The following NIBAN3 variants were observed in gnomAD, a reference collection of about 807,000 sequenced individuals.
NIBAN3 encodes the protein protein Niban 3.
NIBAN3 carries 66 observed loss-of-function variants against 76.4 expected under a neutral mutation model. The observed-to-expected ratio is 0.86, with a 90% CI of 0.71 to 1.06. NIBAN3 has a LOEUF of 1.06. Ranked by LOEUF, NIBAN3 falls within the 50% of genes least tolerant of loss-of-function variation. NIBAN3 has a pLI of 0.00. For missense variants in NIBAN3, 808 were observed against 810.7 expected (o/e 1.00, Z 0.04); for synonymous variants, 360 against 355.2 (o/e 1.01, Z -0.15).
In NIBAN3 at chr19:17,542,041, TTG is replaced by T; in HGVS notation, c.1171-91_1171-90del. On this transcript the variant is annotated intron_variant, in intron 9 of 14. Transcript: ENST00000599164. This position sits in a 1 kb window ranked among gnomAD's most constrained non-coding sequence, Gnocchi z 4.8. ...CAGCTGAGACGGGATGTATTTTCAT[TTG>T]TGTTTCTCCTTTGGTGAATTGGTAA... 1 of 1,436,774 alleles carries T rather than the reference TTG, an allele frequency of 7.0e-7. No homozygotes were observed. Among genetic ancestry groups the T allele is most frequent in the Non-Finnish European group, 9.7e-7 (1 of 1,025,792 alleles). The allele number at this position is 1,436,774 out of a possible 1,614,324, so 89.0% of individuals were successfully genotyped here.
At position 17,540,536 on chromosome 19, in the gene NIBAN3, C is replaced by T. The variant is rs1256822512; in HGVS notation, c.1124C>T (p.Ser375Phe). 2.5e-6 allele frequency: 4 copies of T among 1,570,996 alleles called. No homozygotes were observed. Among genetic ancestry groups the T allele is most frequent in the Non-Finnish European group, 8.6e-7 (1 of 1,158,436 alleles). The change falls in exon 9 of 15, where the codon TCC (serine) becomes TTC (phenylalanine). Residue 375 changes from serine (S) to phenylalanine (F), a missense_variant. Ser to Phe is a radical substitution (Grantham distance 155). Transcript: ENST00000599164. ...CTGGCTCAAGGCATGGACCGACTGT[C>T]CCACCGCCTGCGCCAGAGCCCCTCA... ...TLLAQGMDRL[S>F]HRLRQSPSGT...
chr19:17,550,495 T>C (rs1016178048), intron 14 of NIBAN3, among the ~76,000 whole-genome samples: 1 of 152,178 alleles, frequency 6.6e-6, no homozygotes, highest in Non-Finnish European at 1.5e-5. Context: ...AGCAAGACCC[T>C]GTCTCTACAA....
At chr19:17,548,082 G>A (rs1392733637) in intron 13 of NIBAN3, among the ~76,000 whole-genome samples, 1 of 152,214 alleles carries the variant, frequency 6.6e-6, no homozygotes, top group Admixed American at 6.5e-5. Flanking sequence ...CCTCTTAGGA[G>A]CTCCCGAGCT....
upstream of NIBAN3, among the ~76,000 whole-genome samples, chr19:17,524,271 C>T (rs552412796): frequency 2.6e-5 from 4 of 151,900 alleles, no homozygotes; most frequent in South Asian, 8.3e-4. Context: ...TTGCCCGTCT[C>T]ATCATCTGAT....
rs577753547 is a variant in NIBAN3, at chr19:17,552,204, G to A, written c.*306G>A. 48 of 175,794 alleles carry A rather than the reference G, an allele frequency of 2.7e-4. No individual in the cohort carries two copies. Among genetic ancestry groups the A allele is most frequent in the Non-Finnish European group, 4.3e-4 (36 of 84,052 alleles). The allele number at this position is 175,794 out of a possible 1,614,324, so 10.9% of individuals were successfully genotyped here. ...AGCGATTCTCCTGCCTCAGCCTCCC[G>A]AGTAGCTGAGATTTCAGGCACCCGC... On this transcript the variant is annotated 3_prime_UTR_variant, in exon 15 of 15. Transcript: ENST00000599164.
chr19:17,540,492 C>T lies in NIBAN3; in HGVS notation c.1080C>T (p.Leu360=), dbSNP rs765325530. ...QTLLRTVEAS[L]EAVRTLLAQG... is the part of the protein sequence containing the mutation. ...TGCTGCGCACCGTGGAAGCCTCGCTCGAGGCGGTGCGGACCCTCCTGGCTC... is the reference window on the plus strand; with the variant it reads ...TGCTGCGCACCGTGGAAGCCTCGCTTGAGGCGGTGCGGACCCTCCTGGCTC... The change falls in exon 9 of 15, where the codon CTC becomes CTT. Residue 360 remains leucine, a synonymous_variant. Transcript: ENST00000599164. 18 of 1,598,772 alleles carry T rather than the reference C, an allele frequency of 1.1e-5. No homozygotes were observed. In the East Asian group the frequency reaches 1.4e-4, roughly 12 times the overall value.
chr19:17,542,587 A>G lies in NIBAN3; in HGVS notation c.1329+293A>G, dbSNP rs930635022. Among the ~76,000 whole-genome samples the G allele has an allele frequency of 4.6e-5, 7 of 152,214 alleles. No homozygotes were observed. The highest frequency in any genetic ancestry group is 7.3e-5 in the Non-Finnish European group (5 of 68,050). Reference sequence around the variant, plus strand: ...CAATGGGAGGAATGGCGTTGCCACCAGTCCCGAGTGAATAGTGTTGAGAGT... The same window carrying G: ...CAATGGGAGGAATGGCGTTGCCACCGGTCCCGAGTGAATAGTGTTGAGAGT... On this transcript the variant is annotated intron_variant, in intron 10 of 14. Coordinates refer to ENST00000599164, the MANE Select transcript of NIBAN3 (RefSeq NM_001321827.2). This position sits in a 1 kb window ranked among gnomAD's most constrained non-coding sequence, Gnocchi z 4.8.
In NIBAN3 at chr19:17,539,423, G is replaced by T; in HGVS notation, c.788G>T (p.Gly263Val). ...AQTLPGLRGA[G>V]RARAWAWTEL... ...ACCCTTCCTGGCCTGCGGGGGGCAG[G>T]CCGCGCCCGCGCCTGGGCCTGGACC... The change falls in exon 7 of 15, where the codon GGC becomes GTC. Residue 263 changes from glycine to valine, a missense_variant. Transcript: ENST00000599164. 6.6e-7 allele frequency: 1 copy of T among 1,509,652 alleles called. No homozygotes were observed. Among genetic ancestry groups the T allele is most frequent in the Non-Finnish European group, 8.8e-7 (1 of 1,133,218 alleles). The allele number at this position is 1,509,652 out of a possible 1,614,324, so 93.5% of individuals were successfully genotyped here. A position where few individuals can be genotyped will look rare whatever the true frequency, so the allele number is the denominator to read the frequency against.
At chr19:17,546,897 C>T in intron 13 of NIBAN3, 100 bp downstream of exon 13, 2 of 1,438,432 alleles carry the variant, frequency 1.4e-6, no homozygotes, top group Non-Finnish European at 1.9e-6. Flanking sequence ...CCTGTGAATA[C>T]TTGCCATTTG....
At chr19:17,523,815 C>A (rs2075580137), upstream of NIBAN3, among the ~76,000 whole-genome samples, 1 of 152,214 alleles carries the variant, frequency 6.6e-6, no homozygotes, top group African/African-American at 2.4e-5. Context: ...CACATTCCCA[C>A]CCCAGGGCCT....
chr19:17,555,408 T>C (rs993788442), downstream of NIBAN3, among the ~76,000 whole-genome samples: 6 of 152,120 alleles, frequency 3.9e-5, no homozygotes, highest in Admixed American at 2.0e-4. Context: ...GAGGTCTCAG[T>C]GGTAGGAGGC....
rs2144692664 is a variant in NIBAN3 at position 17,533,598 on chromosome 19, CG to C, written c.329del (p.Gly110AlafsTer9). On this transcript the variant is annotated frameshift_variant, in exon 4 of 15. Transcript: ENST00000599164. LOFTEE classifies it high-confidence loss of function. ...GGTACCTTTTGTAGGAATATGAAAACGGGGGCCACTGCCTTGGCTCAACAGC... is the reference window on the plus strand; with the variant it reads ...GGTACCTTTTGTAGGAATATGAAAACGGGGCCACTGCCTTGGCTCAACAGC... ...WFSHKEEYEN[G>X]GHCLGSTALT... The C allele has an allele frequency of 6.2e-7, 1 of 1,613,532 alleles. No homozygotes were observed. The highest frequency in any genetic ancestry group is 8.5e-7 in the Non-Finnish European group (1 of 1,179,514).
intron 8 of NIBAN3, chr19:17,540,073 C>T: frequency 2.6e-6 from 1 of 384,042 alleles, no homozygotes; most frequent in Non-Finnish European, 4.6e-6. Flanking sequence ...TAGGCGTGGC[C>T]TTGAGGCTGA....
intron 14 of NIBAN3, among the ~76,000 whole-genome samples, chr19:17,551,568 C>A (rs1220370584): frequency 6.6e-6 from 1 of 151,858 alleles, no homozygotes; most frequent in Admixed American, 6.6e-5. Context: ...CCACCATGCC[C>A]AGCTAATTTT....
intron 13 of NIBAN3, 82 bp downstream of exon 13, chr19:17,546,879 T>G: frequency 6.7e-7 from 1 of 1,494,130 alleles, no homozygotes; most frequent in Non-Finnish European, 9.0e-7. Flanking sequence ...CCACATCGAC[T>G]CTCACTTCCT....
At chr19:17,530,707 C>T in intron 1 of NIBAN3, 48 bp from the exon 2 acceptor site, 1 of 1,566,392 alleles carries the variant, frequency 6.4e-7, no homozygotes, top group Non-Finnish European at 8.7e-7. Context: ...AAGCAGGTCT[C>T]CTGGGCAGAT....
At chr19:17,527,614 G>A (rs1217663038) in intron 1 of NIBAN3, among the ~76,000 whole-genome samples, 12 of 152,026 alleles carry the variant, frequency 7.9e-5, no homozygotes, top group Admixed American at 3.3e-4. Context: ...TGGTATGATC[G>A]TGGCTCACTG....
intron 3 of NIBAN3, 27 bp from the exon 4 acceptor site, chr19:17,533,560 G>GT (rs766906157): frequency 9.8e-6 from 15 of 1,531,014 alleles, no homozygotes. Context: ...ACCTGTCCCA[G>GT]GTTGGTTCTC....
intron 8 of NIBAN3, chr19:17,540,162 G>C: frequency 2.3e-6 from 1 of 426,010 alleles, no homozygotes; most frequent in East Asian, 3.6e-5. Flanking sequence ...GGAGGGGCGG[G>C]GGTAAAGGCT....
Sources: gnomAD v4.1 joint callset for allele counts (sites outside exome capture counted in the v4.1 genomes callset) on GRCh38, gnomAD v4.1.1 for gene constraint, Gnocchi (gnomAD v3.1) non-coding constraint, MANE v1.5 for transcripts, NCBI Gene and HGNC (gene_info 2026-07-23, HGNC 2026-07-21) for gene names.